The following MIPOL1 variants were observed in gnomAD, a reference collection of about 807,000 sequenced individuals.
MIPOL1 encodes the protein mirror-image polydactyly 1.
MIPOL1 carries 57 observed loss-of-function variants against 60.9 expected under a neutral mutation model. That is an observed-to-expected ratio of 0.94 (90% confidence interval 0.76 to 1.17). The LOEUF (loss-of-function observed/expected upper bound fraction) is 1.17. Ranked by LOEUF, MIPOL1 falls within the 50% of genes most tolerant of loss-of-function variation. The pLI, the probability that MIPOL1 is intolerant of heterozygous loss-of-function variation, is 0.00. For missense variants in MIPOL1, 551 were observed against 511.6 expected, an observed-to-expected ratio of 1.08 and a Z score of -0.74; for synonymous variants, 179 against 168.8, an observed-to-expected ratio of 1.06 and a Z score of -0.47.
chr14:37,477,776 A>G (rs2094800174), intron 11 of MIPOL1, among the ~76,000 whole-genome samples: 1 of 152,208 alleles, frequency 6.6e-6, no homozygotes, highest in East Asian at 1.9e-4. Flanking sequence ...AGATTCCCCT[A>G]CACAAGCACA....
At chr14:37,226,966 C>T (rs1366104351) in intron 1 of MIPOL1, among the ~76,000 whole-genome samples, 2 of 152,070 alleles carry the variant, frequency 1.3e-5, no homozygotes, top group African/African-American at 4.8e-5. Context: ...TGTGATGCTG[C>T]CTCTTTTGAA....
intron 1 of MIPOL1, among the ~76,000 whole-genome samples, chr14:37,235,489 A>G (rs989817773): frequency 1.2e-4 from 18 of 152,132 alleles, no homozygotes. Flanking sequence ...GGTGTGTGGT[A>G]TAGTTAGACT....
Position 37,267,030 on chromosome 14 carries a change from A to G in MIPOL1, c.112A>G (p.Met38Val). 1.2e-6 allele frequency: 2 copies of G among 1,614,006 alleles called. No individual in the cohort carries two copies. The highest frequency in any genetic ancestry group is 1.7e-6 in the Non-Finnish European group (2 of 1,179,948). ...ACTGACTATGAATTCTGAGAAAAGT[A>G]TGCATCGGAAATCCACTGAATTAGT... ...EQLTMNSEKSMHRKSTELVNE... is the reference protein window; with the variant it reads ...EQLTMNSEKSVHRKSTELVNE... Residue 38 changes from methionine (M) to valine (V), a missense_variant, in exon 4 of 13, where the codon ATG (methionine) becomes GTG (valine). Met to Val is a conservative substitution (Grantham distance 21). Coordinates refer to ENST00000684589, the MANE Select transcript of MIPOL1 (RefSeq NM_001388067.1).
rs1395593832 is a variant in MIPOL1 at position 37,202,308 on chromosome 14, TC to T, written c.-199+4206del. 1.1e-4 allele frequency among the ~76,000 whole-genome samples: 16 copies of T among 152,250 alleles called. 2 individuals carry two copies. Among genetic ancestry groups the T allele is most frequent in the African/African-American group, 3.9e-4 (16 of 41,534 alleles). ...GATAGATTTAAGAGGGGCCTCACCT[TC>T]CACTATCAATTCATTGCAGTTAAGT... On this transcript the variant is annotated intron_variant, in intron 1 of 12. Coordinates refer to ENST00000684589, the MANE Select transcript of MIPOL1 (RefSeq NM_001388067.1).
At chr14:37,244,406 C>T (rs1972855993) in intron 1 of MIPOL1, among the ~76,000 whole-genome samples, 1 of 151,836 alleles carries the variant, frequency 6.6e-6, no homozygotes, top group African/African-American at 2.4e-5. Flanking sequence ...CAGGCGTGAG[C>T]CACCATGCCC....
At chr14:37,400,165 A>G (rs1317431370) in intron 10 of MIPOL1, 1 of 152,110 alleles carries the variant, frequency 6.6e-6, no homozygotes. Flanking sequence ...ACTGACTTGG[A>G]GGCTGTTAAA....
chr14:37,497,959 G>A (rs2095157808), intron 11 of MIPOL1, among the ~76,000 whole-genome samples: 1 of 152,060 alleles, frequency 6.6e-6, no homozygotes, highest in African/African-American at 2.4e-5. Context: ...TGAATACCTA[G>A]GTCCATCAAA....
At chr14:37,403,664 G>T (rs528747770) in intron 10 of MIPOL1, among the ~76,000 whole-genome samples, 8 of 151,740 alleles carry the variant, frequency 5.3e-5, no homozygotes, top group Non-Finnish European at 1.2e-4. Flanking sequence ...TCTGTTCATC[G>T]TTTTTTATTA....
chr14:37,322,618 C>G (rs2088699414), intron 9 of MIPOL1, among the ~76,000 whole-genome samples: 1 of 151,532 alleles, frequency 6.6e-6, no homozygotes, highest in African/African-American at 2.4e-5. Flanking sequence ...TTTATTTTTT[C>G]CACATCCTCT....
intron 10 of MIPOL1, among the ~76,000 whole-genome samples, chr14:37,395,791 T>C (rs1009095830): frequency 3.3e-5 from 5 of 152,170 alleles, no homozygotes; most frequent in African/African-American, 1.2e-4. Context: ...CTTCCAGTAC[T>C]ATGCTGAAGA....
At chr14:37,256,648 T>G (rs1351881875) in intron 3 of MIPOL1, among the ~76,000 whole-genome samples, 1 of 151,780 alleles carries the variant, frequency 6.6e-6, no homozygotes, top group Non-Finnish European at 1.5e-5. Context: ...AGTATAGAGT[T>G]AAAGATTAGG....
rs539920744 is a variant in MIPOL1 at position 37,378,547 on chromosome 14, G to A, written c.936+8923G>A. ...ATGACTATGGAAAGGTAACAAGGGGGTATTTCTTTATAGTGATGTAACCAT... is the reference window on the plus strand; with the variant it reads ...ATGACTATGGAAAGGTAACAAGGGGATATTTCTTTATAGTGATGTAACCAT... On this transcript the variant is annotated intron_variant, in intron 10 of 12. Transcript: ENST00000684589. 9.4e-5 allele frequency among the ~76,000 whole-genome samples: 14 copies of A among 149,060 alleles called. 1 individual carries two copies. In the South Asian group the frequency reaches 2.9e-3, roughly 30 times the overall value.
At chr14:37,266,443 G>A (rs1484809661) in intron 3 of MIPOL1, among the ~76,000 whole-genome samples, 2 of 151,982 alleles carry the variant, frequency 1.3e-5, no homozygotes, top group African/African-American at 4.8e-5. Flanking sequence ...GTTTATAAAC[G>A]GGCACTAAGG....
intron 12 of MIPOL1, among the ~76,000 whole-genome samples, chr14:37,538,397 C>G (rs1379526650): frequency 2.6e-5 from 4 of 152,028 alleles, no homozygotes; most frequent in Non-Finnish European, 5.9e-5. Flanking sequence ...TTGGTTCTTT[C>G]CCAGTCAACA....
chr14:37,499,461 G>T (rs889221437), intron 11 of MIPOL1, among the ~76,000 whole-genome samples: 1 of 152,074 alleles, frequency 6.6e-6, no homozygotes, highest in African/African-American at 2.4e-5. Context: ...GTAGAAGGCT[G>T]GTCAGTGTTT....
intron 12 of MIPOL1, among the ~76,000 whole-genome samples, chr14:37,509,057 G>A (rs1228749050): frequency 6.6e-6 from 1 of 151,932 alleles, no homozygotes; most frequent in Non-Finnish European, 1.5e-5. Context: ...CATAATGGTT[G>A]CTTAAAGATT....
intron 11 of MIPOL1, among the ~76,000 whole-genome samples, chr14:37,452,824 A>G (rs779917673): frequency 2.0e-5 from 3 of 152,178 alleles, no homozygotes; most frequent in Non-Finnish European, 4.4e-5. Flanking sequence ...CTTTAACTTC[A>G]GTGTCTTCCA....
At chr14:37,292,934 A>G (rs962553715) in intron 7 of MIPOL1, among the ~76,000 whole-genome samples, 1 of 152,098 alleles carries the variant, frequency 6.6e-6, no homozygotes, top group Non-Finnish European at 1.5e-5. Context: ...TCCTTTTGCT[A>G]GAGGTTCTGT....
chr14:37,508,692 A>T (rs905440817), intron 12 of MIPOL1, among the ~76,000 whole-genome samples: 1 of 152,170 alleles, frequency 6.6e-6, no homozygotes, highest in East Asian at 1.9e-4. Context: ...TTTTAGAAGA[A>T]TATGTGTTAC....
Sources: gnomAD v4.1 joint callset for allele counts (sites outside exome capture counted in the v4.1 genomes callset) on GRCh38, gnomAD v4.1.1 for gene constraint, MANE v1.5 for transcripts, NCBI Gene and HGNC (gene_info 2026-07-23, HGNC 2026-07-21) for gene names.